DPYD: variants seen among roughly 807,000 people sequenced by gnomAD.
DPYD encodes the protein dihydropyrimidine dehydrogenase [NADP(+)].
A neutral mutation model predicts 116.2 loss-of-function variants in DPYD; 109 were observed. The ratio of observed to expected loss-of-function variants is 0.94; its 90% CI spans 0.80 to 1.10. The LOEUF is 1.10. DPYD is among the 50% of genes least tolerant of loss of function. DPYD has a pLI of 0.00. For missense variants in DPYD, 1,302 were observed against 1,254.5 expected (o/e 1.04, Z -0.57); for synonymous variants, 440 against 432.0 (o/e 1.02, Z -0.23).
intron 18 of DPYD, among the ~76,000 whole-genome samples, chr1:97,255,771 G>A (rs954729319): frequency 6.6e-6 from 1 of 150,768 alleles, no homozygotes; most frequent in African/African-American, 2.4e-5. Flanking sequence ...AGGGGAAACT[G>A]GTAAGTGGTG....
rs1284958774 is a variant in DPYD, at chr1:97,573,980, A to C, written c.1129-10T>G. The C allele has an allele frequency of 2.5e-6, 4 of 1,613,208 alleles. No individual in the cohort carries two copies. Among genetic ancestry groups the C allele is most frequent in the Non-Finnish European group, 3.4e-6 (4 of 1,179,426 alleles). ...CCTTAGCAAGTTCCATCTAAAACAA[A>C]ACAGAACAGAGAAGAAACTTGAAAA... is the stretch of plus-strand genomic sequence containing the variant. On this transcript the variant is annotated splice_polypyrimidine_tract_variant and intron_variant, in intron 10 of 22. Transcript: ENST00000370192.
chr1:97,079,982 G>T (rs759018731), intron 22 of DPYD, among the ~76,000 whole-genome samples: 6 of 151,592 alleles, frequency 4.0e-5, no homozygotes, highest in Admixed American at 1.3e-4. Flanking sequence ...TTTAAAAAAA[G>T]ATATGATGAT....
intron 16 of DPYD, among the ~76,000 whole-genome samples, chr1:97,363,300 C>T (rs1670844276): frequency 6.6e-6 from 1 of 152,136 alleles, no homozygotes; most frequent in African/African-American, 2.4e-5. Context: ...AGTCAGGAAA[C>T]AACAGATGCT....
intron 14 of DPYD, among the ~76,000 whole-genome samples, chr1:97,449,020 G>C (rs986312974): frequency 6.6e-6 from 1 of 151,382 alleles, no homozygotes; most frequent in Non-Finnish European, 1.5e-5. Context: ...AAATTATCAA[G>C]AGATAATTTT....
chr1:97,790,276 G>A (rs544138349), intron 3 of DPYD, among the ~76,000 whole-genome samples: 12 of 152,252 alleles, frequency 7.9e-5, no homozygotes, highest in East Asian at 5.8e-4. Flanking sequence ...TCAAGATCAC[G>A]TGCTTTTTAC....
intron 2 of DPYD, among the ~76,000 whole-genome samples, chr1:97,868,161 C>T (rs1287358270): frequency 1.3e-5 from 2 of 150,538 alleles, no homozygotes; most frequent in Non-Finnish European, 3.0e-5. Flanking sequence ...CAAATGTTTC[C>T]AAGGAGTTAA....
chr1:97,108,253 CA>C (rs1651320201), intron 20 of DPYD, among the ~76,000 whole-genome samples: 1 of 152,138 alleles, frequency 6.6e-6, no homozygotes, highest in African/African-American at 2.4e-5. Context: ...ACTTTGCTGT[CA>C]GCTGGTTTTG....
intron 7 of DPYD, among the ~76,000 whole-genome samples, chr1:97,690,265 A>G (rs576937663): frequency 1.3e-5 from 2 of 152,184 alleles, no homozygotes; most frequent in Non-Finnish European, 2.9e-5. Context: ...TAGCTAAGAT[A>G]TATTTCTTGG....
intron 13 of DPYD, among the ~76,000 whole-genome samples, chr1:97,508,918 CT>C (rs1647567392): frequency 6.6e-6 from 1 of 151,884 alleles, no homozygotes; most frequent in African/African-American, 2.4e-5. Flanking sequence ...CTCCTCCTGC[CT>C]TTTTTGTAGC....
At chr1:97,595,665 T>C (rs974080053) in intron 8 of DPYD, among the ~76,000 whole-genome samples, 15 of 151,922 alleles carry the variant, frequency 9.9e-5, no homozygotes, top group African/African-American at 3.1e-4. Flanking sequence ...ATTTAAAAAA[T>C]ATAAATGAAT....
At chr1:97,471,575 A>G (rs1321098680) in intron 13 of DPYD, among the ~76,000 whole-genome samples, 1 of 151,136 alleles carries the variant, frequency 6.6e-6, no homozygotes. Flanking sequence ...TTAGTATGGG[A>G]TGTGATCGTC....
At chr1:97,314,511 T>TA (rs1667703740) in intron 16 of DPYD, among the ~76,000 whole-genome samples, 1 of 138,680 alleles carries the variant, frequency 7.2e-6, no homozygotes, top group South Asian at 2.4e-4. Context: ...TTTTTTTTTT[T>TA]ACAAATGGAC....
intron 2 of DPYD, among the ~76,000 whole-genome samples, chr1:97,862,628 A>T (rs907066777): frequency 3.3e-5 from 5 of 151,922 alleles, no homozygotes; most frequent in Admixed American, 3.3e-4. Flanking sequence ...ACACTGTGTG[A>T]TATGACTTGT....
At chr1:97,725,890 A>T (rs984183984) in intron 4 of DPYD, among the ~76,000 whole-genome samples, 6 of 151,542 alleles carry the variant, frequency 4.0e-5, no homozygotes, top group African/African-American at 1.2e-4. Flanking sequence ...ATTGTTCTCA[A>T]ATTGACTGTG....
chr1:97,234,998 C>A lies in DPYD; in HGVS notation c.2300-4G>T, dbSNP rs760698102. On this transcript the variant is annotated splice_region_variant and splice_polypyrimidine_tract_variant and intron_variant, in intron 18 of 22. Coordinates refer to ENST00000370192, the MANE Select transcript of DPYD (RefSeq NM_000110.4). ...GCAATAGGTCTGATTGCTGTCCCTA[C>A]ACAAAATCAGAATAATCAATGGTTA... 1.9e-6 allele frequency: 3 copies of A among 1,614,100 alleles called. No individual in the cohort carries two copies. In the East Asian group the frequency reaches 6.7e-5, roughly 36 times the overall value.
chr1:97,444,396 GA>G (rs1193582232), intron 14 of DPYD, among the ~76,000 whole-genome samples: 2 of 151,636 alleles, frequency 1.3e-5, no homozygotes, highest in African/African-American at 4.8e-5. Context: ...GTTAAAATGG[GA>G]AAAAAAATCT....
intron 11 of DPYD, 45 bp from the exon 12 acceptor site, chr1:97,549,789 A>G: frequency 3.3e-6 from 5 of 1,501,482 alleles, no homozygotes; most frequent in Non-Finnish European, 4.6e-6. Context: ...TAGTCAACAG[A>G]CAATTCCATA....
At chr1:97,201,798 G>A (rs1659225924) in intron 19 of DPYD, among the ~76,000 whole-genome samples, 1 of 152,072 alleles carries the variant, frequency 6.6e-6, no homozygotes, top group Non-Finnish European at 1.5e-5. Flanking sequence ...TAGTTTCCTG[G>A]CAATTGAGAC....
chr1:97,335,175 G>C (rs1161176715), intron 16 of DPYD, among the ~76,000 whole-genome samples: 1 of 152,052 alleles, frequency 6.6e-6, no homozygotes, highest in Admixed American at 6.6e-5. Context: ...TTTCCTAACA[G>C]GGAAGCAGAG....
Sources: gnomAD v4.1 joint callset for allele counts (sites outside exome capture counted in the v4.1 genomes callset) on GRCh38, gnomAD v4.1.1 for gene constraint, MANE v1.5 for transcripts, NCBI Gene and HGNC (gene_info 2026-07-23, HGNC 2026-07-21) for gene names.